Variants in DLGAP4 observed in about 807,000 individuals in gnomAD.
The protein encoded by DLGAP4 is DLG associated protein 4.
DLGAP4 carries 18 observed loss-of-function variants against 86.9 expected under a neutral mutation model. That is an observed-to-expected ratio of 0.21 (90% CI 0.14 to 0.31). The LOEUF is 0.31. Among genes scored for constraint, DLGAP4 ranks in the 10% least tolerant of loss-of-function variants. The pLI is 1.00. For synonymous variants in DLGAP4, 548 were observed against 574.3 expected (o/e 0.95, Z 0.65); for missense variants, 1,085 against 1,362.6 (o/e 0.80, Z 3.21).
chr20:36,359,633 C>T (rs2030449067), intron 1 of DLGAP4, among the ~76,000 whole-genome samples: 1 of 152,164 alleles, frequency 6.6e-6, no homozygotes, highest in African/African-American at 2.4e-5. Context: ...TTGTGGCCTA[C>T]ACAAAGCTGT....
intron 7 of DLGAP4, among the ~76,000 whole-genome samples, chr20:36,475,299 C>T (rs1019792772): frequency 4.6e-5 from 7 of 152,196 alleles, no homozygotes; most frequent in African/African-American, 1.4e-4. Flanking sequence ...GTAGCCTCGC[C>T]TGCCGGGTTC....
At chr20:36,416,995 A>G (rs1180335931) in intron 2 of DLGAP4, among the ~76,000 whole-genome samples, 1 of 152,162 alleles carries the variant, frequency 6.6e-6, no homozygotes, top group Non-Finnish European at 1.5e-5. Flanking sequence ...AGAGTGGAAA[A>G]TGAAACAGGT....
At chr20:36,311,890 G>C (rs1262160338) in intron 1 of DLGAP4, among the ~76,000 whole-genome samples, 1 of 152,230 alleles carries the variant, frequency 6.6e-6, no homozygotes, top group Admixed American at 6.5e-5. Context: ...TGGGGATTCT[G>C]AAGTTCCCGT....
chr20:36,418,589 C>G (rs1397196342), intron 2 of DLGAP4, among the ~76,000 whole-genome samples: 2 of 152,160 alleles, frequency 1.3e-5, no homozygotes, highest in African/African-American at 4.8e-5. Context: ...TGAAGCCAGG[C>G]AGGTTTCAAT....
chr20:36,415,192 G>A (rs963332679), intron 2 of DLGAP4, among the ~76,000 whole-genome samples: 1 of 152,242 alleles, frequency 6.6e-6, no homozygotes, highest in Non-Finnish European at 1.5e-5. Context: ...CTTGAACCTG[G>A]AGGTGGAGGT....
At chr20:36,357,900 C>T (rs1281880494) in intron 1 of DLGAP4, among the ~76,000 whole-genome samples, 1 of 152,228 alleles carries the variant, frequency 6.6e-6, no homozygotes, top group Non-Finnish European at 1.5e-5. Flanking sequence ...TAAGGTTTTA[C>T]AAGACTAGCC....
intron 7 of DLGAP4, among the ~76,000 whole-genome samples, chr20:36,478,595 G>C (rs1005451359): frequency 5.9e-5 from 9 of 152,220 alleles, no homozygotes; most frequent in Admixed American, 1.3e-4. Flanking sequence ...ACTGTAGTCA[G>C]ATTCCACCAA....
intron 7 of DLGAP4, among the ~76,000 whole-genome samples, chr20:36,455,678 C>T (rs2033861469): frequency 6.6e-6 from 1 of 152,130 alleles, no homozygotes; most frequent in African/African-American, 2.4e-5. Context: ...AGGTACCTCC[C>T]ATCTGTGACA....
chr20:36,457,672 C>T (rs1470715239), intron 7 of DLGAP4, among the ~76,000 whole-genome samples: 1 of 151,832 alleles, frequency 6.6e-6, no homozygotes, highest in African/African-American at 2.4e-5. Context: ...TGAGCCACCA[C>T]GCCCGGCCAA....
At chr20:36,368,698 T>G (rs1173734291) in intron 2 of DLGAP4, among the ~76,000 whole-genome samples, 1 of 152,190 alleles carries the variant, frequency 6.6e-6, no homozygotes, top group African/African-American at 2.4e-5. Context: ...AAACACACCT[T>G]ATTGTGCTCA....
intron 1 of DLGAP4, among the ~76,000 whole-genome samples, chr20:36,345,813 A>G (rs528701347): frequency 3.9e-5 from 6 of 152,054 alleles, no homozygotes; most frequent in African/African-American, 1.4e-4. Flanking sequence ...GCTGGAGTGC[A>G]GTGGCATAAC....
intron 3 of DLGAP4, among the ~76,000 whole-genome samples, chr20:36,433,278 G>T (rs955068955): frequency 1.2e-4 from 19 of 152,206 alleles, no homozygotes; most frequent in African/African-American, 4.6e-4. Flanking sequence ...TGTCAGTGTC[G>T]GCAGAGTGTG....
chr20:36,370,175 A>G (rs568043048), intron 2 of DLGAP4, among the ~76,000 whole-genome samples: 2 of 152,134 alleles, frequency 1.3e-5, no homozygotes, highest in Non-Finnish European at 2.9e-5. Flanking sequence ...GGGGTCTCCA[A>G]GGGGACAGAG....
chr20:36,465,051 T>C (rs983134013), intron 7 of DLGAP4, among the ~76,000 whole-genome samples: 2 of 152,172 alleles, frequency 1.3e-5, no homozygotes, highest in Non-Finnish European at 2.9e-5. Context: ...TTATGTATTT[T>C]TTTTTAAATC....
intron 7 of DLGAP4, 148 bp from the exon 8 acceptor site, chr20:36,496,557 C>T: frequency 6.8e-6 from 9 of 1,317,274 alleles, no homozygotes; most frequent in Non-Finnish European, 1.0e-6. Flanking sequence ...GACCCTCGTT[C>T]TCCCTGCTCC....
chr20:36,362,623 T>A (rs1488529521), intron 1 of DLGAP4, among the ~76,000 whole-genome samples: 5 of 152,240 alleles, frequency 3.3e-5, no homozygotes, highest in Non-Finnish European at 7.3e-5. Flanking sequence ...ATTTGTTCAA[T>A]GAAGTATTCA....
At chr20:36,357,731 G>A (rs933630517) in intron 1 of DLGAP4, among the ~76,000 whole-genome samples, 6 of 152,198 alleles carry the variant, frequency 3.9e-5, no homozygotes, top group Non-Finnish European at 7.3e-5. Context: ...AGGTGAGAGT[G>A]GGCCACTGTG....
intron 10 of DLGAP4, among the ~76,000 whole-genome samples, chr20:36,518,597 A>G (rs1478988422): frequency 6.6e-6 from 1 of 152,134 alleles, no homozygotes; most frequent in East Asian, 1.9e-4. Context: ...CGACTGGGTT[A>G]TTTAGATGTG....
intron 1 of DLGAP4, among the ~76,000 whole-genome samples, chr20:36,336,040 AGAG>A (rs2065318296): frequency 6.6e-6 from 1 of 152,112 alleles, no homozygotes; most frequent in African/African-American, 2.4e-5. Context: ...CCCTGCCTCC[AGAG>A]GGACAGTTCC....
Sources: allele counts gnomAD v4.1 joint callset (sites outside exome capture counted in the v4.1 genomes callset), GRCh38; gene constraint gnomAD v4.1.1; transcripts MANE v1.5; gene names NCBI Gene and HGNC (gene_info 2026-07-23, HGNC 2026-07-21).